Variants in UGT2B11 observed in about 807,000 individuals in gnomAD.
The protein encoded by UGT2B11 is UDP-glucuronosyltransferase 2B11.
A neutral mutation model predicts 51.7 loss-of-function variants in UGT2B11; 49 were observed. The ratio of observed to expected loss-of-function variants is 0.95; its 90% CI spans 0.75 to 1.20. The LOEUF (loss-of-function observed/expected upper bound fraction) is 1.20, where lower values mean the gene tolerates loss of function less well. Ranked by LOEUF, UGT2B11 falls within the 50% of genes most tolerant of loss-of-function variation. The probability of loss-of-function intolerance (pLI) is 0.00; values close to 1 mark genes in which losing one functional copy is unlikely to be tolerated. For synonymous variants in UGT2B11, 273 were observed against 209.0 expected, an observed-to-expected ratio of 1.31 and a Z score of -2.64; for missense variants, 810 against 622.1, an observed-to-expected ratio of 1.30 and a Z score of -3.21.
chr4:69,202,746 A>G (rs1235970752), intron 5 of UGT2B11, among the ~76,000 whole-genome samples: 2 of 151,770 alleles, frequency 1.3e-5, no homozygotes, highest in Non-Finnish European at 2.9e-5. Flanking sequence ...TCACATTTAA[A>G]TCTACCACAT....
rs1722193553 is a variant in UGT2B11 at position 69,214,393 on chromosome 4, T to A, written c.330A>T (p.Ser110=). 10 of 1,612,854 alleles carry A rather than the reference T, an allele frequency of 6.2e-6. No homozygotes were observed. Among genetic ancestry groups the A allele is most frequent in the Non-Finnish European group, 8.5e-6 (10 of 1,179,418 alleles). Residue 110 remains serine (S), a synonymous_variant, in exon 1 of 6, where the codon TCA becomes TCT. Transcript: ENST00000446444. ...ATTCCCACAGGATTTCTTGTTCTTGTGAAAAATATAACCAAAAGCTATCTT... is the reference window on the plus strand; with the variant it reads ...ATTCCCACAGGATTTCTTGTTCTTGAGAAAAATATAACCAAAAGCTATCTT... ...IRKDSFWLYF[S]QEQEILWELY...
At chr4:69,221,946 G>A in the UGT2B11 span, among the ~76,000 whole-genome samples, 1 of 152,254 alleles carries the variant, frequency 6.6e-6, no homozygotes, top group African/African-American at 2.4e-5. Flanking sequence ...ACATGGGTGA[G>A]GGGGTGGTTT....
chr4:69,205,438 G>A, intron 4 of UGT2B11, 42 bp downstream of exon 4: 2 of 1,588,252 alleles, frequency 1.3e-6, no homozygotes, highest in Admixed American at 1.7e-5. Flanking sequence ...CCTCTAATGT[G>A]CAGTTACTAA....
At chr4:69,217,556 G>T (rs1361456259), upstream of UGT2B11, among the ~76,000 whole-genome samples, 1 of 151,902 alleles carries the variant, frequency 6.6e-6, no homozygotes, top group Non-Finnish European at 1.5e-5. Flanking sequence ...TAAGCTCTCT[G>T]TCTCAGAACA....
intron 2 of UGT2B11, among the ~76,000 whole-genome samples, chr4:69,210,840 G>A (rs1056071797): frequency 1.4e-4 from 21 of 151,556 alleles, no homozygotes; most frequent in African/African-American, 5.1e-4. Context: ...TTAAGAGGTT[G>A]CATAATAATG....
At chr4:69,212,845 A>G (rs1722125253) in intron 1 of UGT2B11, 124 bp from the exon 2 acceptor site, 1 of 872,776 alleles carries the variant, frequency 1.1e-6, no homozygotes, top group South Asian at 4.1e-5. Context: ...TGAAAAATAT[A>G]TAAATATATA....
chr4:69,218,637 T>C (rs1254494529), upstream of UGT2B11, among the ~76,000 whole-genome samples: 1 of 151,936 alleles, frequency 6.6e-6, no homozygotes, highest in Non-Finnish European at 1.5e-5. Context: ...GGGGCCTTGA[T>C]TCAGACACCG....
At chr4:69,205,634 T>C in intron 3 of UGT2B11, 67 bp from the exon 4 acceptor site, 2 of 1,528,820 alleles carry the variant, frequency 1.3e-6, no homozygotes, top group Admixed American at 1.8e-5. Context: ...GTTAGAACTG[T>C]AGAAAGCATA....
intron 3 of UGT2B11, among the ~76,000 whole-genome samples, chr4:69,207,145 G>A (rs1349439986): frequency 6.6e-6 from 1 of 151,452 alleles, no homozygotes; most frequent in African/African-American, 2.4e-5. Context: ...ACTCAAAATT[G>A]TACTTTGCTA....
chr4:69,217,161 C>T (rs1319251779), upstream of UGT2B11, among the ~76,000 whole-genome samples: 2 of 152,076 alleles, frequency 1.3e-5, no homozygotes, highest in Non-Finnish European at 2.9e-5. Context: ...ATGTTTCTCA[C>T]TCTTAGAAAG....
intron 5 of UGT2B11, among the ~76,000 whole-genome samples, chr4:69,202,162 T>G (rs1413221921): frequency 6.6e-6 from 1 of 151,768 alleles, no homozygotes; most frequent in African/African-American, 2.4e-5. Flanking sequence ...CCACAGATTA[T>G]GTCTTCATTT....
the UGT2B11 span, among the ~76,000 whole-genome samples, chr4:69,224,750 GA>G: frequency 2.0e-5 from 1 of 49,376 alleles, no homozygotes; most frequent in Non-Finnish European, 7.2e-5. Flanking sequence ...GATCAACCGA[GA>G]GAAAAAAAAA....
chr4:69,202,638 C>T (rs923075612), intron 5 of UGT2B11, among the ~76,000 whole-genome samples: 28 of 151,600 alleles, frequency 1.8e-4, no homozygotes, highest in Non-Finnish European at 4.4e-5. Context: ...TTGTAAGACT[C>T]CATTTGTTAA....
upstream of UGT2B11, chr4:69,215,025 G>A: frequency 3.4e-6 from 1 of 291,234 alleles, no homozygotes; most frequent in Non-Finnish European, 6.3e-6. Flanking sequence ...GCAAGTGAGA[G>A]AGTCCTGCAG....
intron 3 of UGT2B11, among the ~76,000 whole-genome samples, chr4:69,206,758 G>C (rs865821387): frequency 2.8e-4 from 43 of 151,628 alleles, no homozygotes; most frequent in African/African-American, 8.4e-4. Context: ...CTGTATGTTT[G>C]TTTTATGTAT....
rs548231621 is a variant in UGT2B11, at chr4:69,204,104, T to G, written c.1310+326A>C. 4.6e-5 allele frequency among the ~76,000 whole-genome samples: 7 copies of G among 151,620 alleles called. No individual in the cohort carries two copies. The South Asian group carries it at 1.5e-3, about 31-fold the overall frequency. On this transcript the variant is annotated intron_variant, in intron 5 of 5. Transcript: ENST00000446444. ...ATTTTAGATATTTAATTAAAACATTTTATTATATTATTTCAAGTTTATTCT... is the reference window on the plus strand; with the variant it reads ...ATTTTAGATATTTAATTAAAACATTGTATTATATTATTTCAAGTTTATTCT...
At chr4:69,202,765 G>A (rs1721706536) in intron 5 of UGT2B11, among the ~76,000 whole-genome samples, 5 of 151,546 alleles carry the variant, frequency 3.3e-5, no homozygotes, top group Admixed American at 3.3e-4. Flanking sequence ...ATTGTTTTAT[G>A]TTTCTTTTCT....
chr4:69,210,607 C>T (rs1722025363), intron 2 of UGT2B11, among the ~76,000 whole-genome samples: 1 of 151,522 alleles, frequency 6.6e-6, no homozygotes, highest in South Asian at 2.1e-4. Context: ...TTTACACCTC[C>T]TACTCTCTTC....
chr4:69,209,726 A>T (rs1577964082), intron 2 of UGT2B11, among the ~76,000 whole-genome samples: 1 of 151,516 alleles, frequency 6.6e-6, no homozygotes, highest in Non-Finnish European at 1.5e-5. Context: ...GATTGCAGTT[A>T]CCTGTAGCCA....
Sources: gnomAD v4.1 joint callset for allele counts (sites outside exome capture counted in the v4.1 genomes callset) on GRCh38, gnomAD v4.1.1 for gene constraint, MANE v1.5 for transcripts, NCBI Gene and HGNC (gene_info 2026-07-23, HGNC 2026-07-21) for gene names.